The following NF2 variants were observed in gnomAD, a reference collection of about 807,000 sequenced individuals.
NF2 encodes merlin.
NF2 carries 8 observed loss-of-function variants against 83.7 expected under a neutral mutation model. That is an observed-to-expected ratio of 0.10 (90% CI 0.06 to 0.17). The LOEUF is 0.17. NF2 is among the 10% of genes least tolerant of loss of function. The pLI, the probability that NF2 is intolerant of heterozygous loss-of-function variation, is 1.00. For synonymous variants in NF2, 266 were observed against 269.6 expected (o/e 0.99, Z 0.13); for missense variants, 533 against 744.4 (o/e 0.72, Z 3.31).
At position 29,671,787 on chromosome 22, in the gene NF2, C is replaced by T. The variant is rs201079878; in HGVS notation, c.1000-39C>T. ...CCCTTGTGGCACCCTAGGTCTCGAG[C>T]CCTGTGATTCAATGACTGTTTTTCT... On this transcript the variant is annotated intron_variant, in intron 10 of 15. Transcript: ENST00000338641. 6.2e-6 allele frequency: 10 copies of T among 1,612,722 alleles called. No individual in the cohort carries two copies. In the African/African-American group the frequency reaches 1.3e-4, roughly 22 times the overall value.
In NF2 at chr22:29,636,795, T is replaced by A. The variant is rs1261620151; in HGVS notation, c.159T>A (p.Thr53=). 6.2e-7 allele frequency: 1 copy of A among 1,614,198 alleles called. No individual in the cohort carries two copies. Among genetic ancestry groups the A allele is most frequent in the South Asian group, 1.1e-5 (1 of 91,080 alleles). ...GKDLFDLVCR[T]LGLRETWFFG... is the part of the protein sequence containing the mutation. The stretch of plus-strand genomic sequence containing the variant: ...ACCTCTTTGATTTGGTGTGCCGGAC[T>A]CTGGGGCTCCGAGAAACCTGGTTCT... The change falls in exon 2 of 16, where the codon ACT becomes ACA. Residue 53 remains threonine, a synonymous_variant. Transcript: ENST00000338641. This position sits in a 1 kb window ranked among gnomAD's most constrained non-coding sequence, Gnocchi z 4.4.
At chr22:29,641,511 G>A (rs2065810318) in intron 3 of NF2, among the ~76,000 whole-genome samples, 1 of 152,186 alleles carries the variant, frequency 6.6e-6, no homozygotes, top group African/African-American at 2.4e-5. Flanking sequence ...TCTGTGAGAG[G>A]AGAGCTGGCT....
rs1228514522 is a variant in NF2 at position 29,603,950 on chromosome 22, CAG to C, written c.-46_-45del. On this transcript the variant is annotated 5_prime_UTR_variant, in exon 1 of 16. Coordinates refer to ENST00000338641, the MANE Select transcript of NF2 (RefSeq NM_000268.4). ...GCAACTCCAGGGGGGCTAAAGGGCT[CAG>C]AGTGCAGGCCGTGGGGCGCGAGGGT... The C allele has an allele frequency of 4.2e-6, 6 of 1,425,410 alleles. No individual in the cohort carries two copies. Among genetic ancestry groups the C allele is most frequent in the African/African-American group, 1.4e-5 (1 of 70,652 alleles). The allele number at this position is 1,425,410 out of a possible 1,614,324, so 88.3% of individuals were successfully genotyped here. A position where few individuals can be genotyped will look rare whatever the true frequency, so the allele number is the denominator to read the frequency against.
intron 8 of NF2, 109 bp downstream of exon 8, chr22:29,661,448 A>C (rs2066476239): frequency 6.7e-7 from 1 of 1,495,044 alleles, no homozygotes; most frequent in Non-Finnish European, 9.2e-7. Flanking sequence ...AGAGTCCTTT[A>C]ATTCCCAGGC....
intron 4 of NF2, among the ~76,000 whole-genome samples, chr22:29,651,737 G>C (rs1186191159): frequency 6.6e-6 from 1 of 152,218 alleles, no homozygotes; most frequent in African/African-American, 2.4e-5. Context: ...TTGCTCAAAT[G>C]TGATGTATTT....
At chr22:29,652,907 A>T (rs1048986120) in intron 4 of NF2, among the ~76,000 whole-genome samples, 1 of 152,134 alleles carries the variant, frequency 6.6e-6, no homozygotes, top group African/African-American at 2.4e-5. Flanking sequence ...AAGGCCTTTC[A>T]TTTATAATTT....
chr22:29,620,556 T>G (rs1241961743), intron 1 of NF2, among the ~76,000 whole-genome samples: 7 of 140,932 alleles, frequency 5.0e-5, no homozygotes. Flanking sequence ...CTGGCCAACA[T>G]GGGAAAAACT....
At chr22:29,651,197 C>T (rs1188719637) in intron 4 of NF2, among the ~76,000 whole-genome samples, 2 of 152,048 alleles carry the variant, frequency 1.3e-5, no homozygotes, top group African/African-American at 4.8e-5. Flanking sequence ...TTTGTGAAAT[C>T]CTACTCAGAG....
At chr22:29,660,408 A>T (rs2066443000) in intron 7 of NF2, among the ~76,000 whole-genome samples, 1 of 152,212 alleles carries the variant, frequency 6.6e-6, no homozygotes, top group Admixed American at 6.5e-5. Context: ...ATATATATGC[A>T]CAATCTAGAT....
At chr22:29,610,535 C>T (rs1569264180) in intron 1 of NF2, among the ~76,000 whole-genome samples, 1 of 150,958 alleles carries the variant, frequency 6.6e-6, no homozygotes, top group South Asian at 2.1e-4. Context: ...CCCAGCTACT[C>T]GAGAGGCTGA....
At chr22:29,668,705 C>A (rs1864553923) in intron 10 of NF2, among the ~76,000 whole-genome samples, 1 of 152,222 alleles carries the variant, frequency 6.6e-6, no homozygotes, top group South Asian at 2.1e-4. Context: ...GTGATTAACA[C>A]CAGTTTGGGA....
chr22:29,660,729 A>G (rs1601623037), intron 7 of NF2, among the ~76,000 whole-genome samples: 1 of 151,962 alleles, frequency 6.6e-6, no homozygotes, highest in Admixed American at 6.6e-5. Context: ...TGCCCGGCTA[A>G]TTTTTTTGTG....
intron 1 of NF2, among the ~76,000 whole-genome samples, chr22:29,625,520 C>G (rs1300409398): frequency 6.6e-6 from 1 of 152,182 alleles, no homozygotes. Flanking sequence ...CTCAGAGCTG[C>G]TAATCTTTCT....
chr22:29,696,486 A>G lies in NF2; in HGVS notation c.*1684A>G, dbSNP rs980463817. On this transcript the variant is annotated 3_prime_UTR_variant, in exon 16 of 16. Coordinates refer to ENST00000338641, the MANE Select transcript of NF2 (RefSeq NM_000268.4). ...GCTATGGGGGCCTCAAGATTTTTGGAGAGCAGAGGTGGTCTCTGGCAATTC... is the reference window on the plus strand; with the variant it reads ...GCTATGGGGGCCTCAAGATTTTTGGGGAGCAGAGGTGGTCTCTGGCAATTC... The G allele has an allele frequency of 5.9e-5, 13 of 220,110 alleles. No individual in the cohort carries two copies. In the Admixed American group the frequency reaches 7.5e-4, roughly 13 times the overall value. 13.6% of individuals were successfully genotyped at this position (220,110 alleles called of 1,614,324 possible). A position where few individuals can be genotyped will look rare whatever the true frequency, so the allele number is the denominator to read the frequency against.
chr22:29,650,102 C>T (rs1356483087), intron 4 of NF2, among the ~76,000 whole-genome samples: 1 of 151,950 alleles, frequency 6.6e-6, no homozygotes, highest in Non-Finnish European at 1.5e-5. Flanking sequence ...GGGTACAGGA[C>T]TTCTTTTTGG....
chr22:29,668,061 G>A (rs1337989293), intron 9 of NF2, among the ~76,000 whole-genome samples: 3 of 147,734 alleles, frequency 2.0e-5, no homozygotes, highest in Non-Finnish European at 4.6e-5. Context: ...AGGAGAGTAA[G>A]GTGCACCCAG....
chr22:29,668,113 A>C (rs1186803587), intron 9 of NF2, among the ~76,000 whole-genome samples: 1 of 151,948 alleles, frequency 6.6e-6, no homozygotes, highest in African/African-American at 2.4e-5. Flanking sequence ...TTGATTTATG[A>C]TTTTTACCTC....
At chr22:29,664,464 C>A (rs2066562157) in intron 8 of NF2, among the ~76,000 whole-genome samples, 1 of 152,172 alleles carries the variant, frequency 6.6e-6, no homozygotes, top group South Asian at 2.1e-4. Flanking sequence ...AATGCCCCTT[C>A]ACCTGCCTTT....
At position 29,673,391 on chromosome 22, in the gene NF2, A is replaced by G. The variant is rs2147083167; in HGVS notation, c.1245A>G (p.Thr415=). The G allele has an allele frequency of 6.2e-7, 1 of 1,612,008 alleles. No individual in the cohort carries two copies. Among genetic ancestry groups the G allele is most frequent in the Non-Finnish European group, 8.5e-7 (1 of 1,179,430 alleles). ...AGGAAATGCAGCGCATCAAGGCCAC[A>G]GCGATTCGCACGGAGGAGGAGAAGC... is the stretch of plus-strand genomic sequence containing the variant. ...AEQEMQRIKA[T]AIRTEEEKRL... Residue 415 remains threonine (T), a synonymous_variant, in exon 12 of 16, where the codon ACA becomes ACG. Transcript: ENST00000338641.
Sources: gnomAD v4.1 joint callset for allele counts (sites outside exome capture counted in the v4.1 genomes callset) on GRCh38, gnomAD v4.1.1 for gene constraint, Gnocchi (gnomAD v3.1) non-coding constraint, MANE v1.5 for transcripts, NCBI Gene and HGNC (gene_info 2026-07-23, HGNC 2026-07-21) for gene names.